DSCAML1: variants seen among roughly 807,000 people sequenced by gnomAD.
DSCAML1 encodes the protein cell adhesion molecule DSCAML1.
DSCAML1 carries 38 observed loss-of-function variants against 200.5 expected under a neutral mutation model. The ratio of observed to expected loss-of-function variants is 0.19; its 90% CI spans 0.15 to 0.25. The LOEUF is 0.25. Among genes scored for constraint, DSCAML1 ranks in the 10% least tolerant of loss-of-function variants. The pLI is 1.00. For missense variants in DSCAML1, 2,223 were observed against 2,858.8 expected (o/e 0.78, Z 5.07); for synonymous variants, 1,215 against 1,165.0 (o/e 1.04, Z -0.87).
chr11:117,721,013 C>A (rs916097283), intron 3 of DSCAML1, among the ~76,000 whole-genome samples: 11 of 152,174 alleles, frequency 7.2e-5, no homozygotes, highest in African/African-American at 2.4e-4. Flanking sequence ...CAACGTTTGT[C>A]CAAGGCAGAT....
At chr11:117,718,093 G>A (rs528578141) in intron 3 of DSCAML1, among the ~76,000 whole-genome samples, 9 of 152,360 alleles carry the variant, frequency 5.9e-5, no homozygotes, top group South Asian at 2.1e-4. Flanking sequence ...ACGGCTGCAC[G>A]TCCGTGGCAG....
chr11:117,762,724 G>A (rs2054824747), intron 3 of DSCAML1, among the ~76,000 whole-genome samples: 1 of 152,070 alleles, frequency 6.6e-6, no homozygotes. Flanking sequence ...TTAGTCAGGT[G>A]TGGTGGCAGG....
intron 3 of DSCAML1, among the ~76,000 whole-genome samples, chr11:117,534,700 C>A (rs916247614): frequency 1.3e-5 from 2 of 152,134 alleles, no homozygotes; most frequent in Admixed American, 6.5e-5. Flanking sequence ...GCCTTGACAT[C>A]CTGGGCTCAA....
intron 1 of DSCAML1, among the ~76,000 whole-genome samples, chr11:117,808,426 C>T (rs188099992): frequency 1.1e-4 from 17 of 152,280 alleles, no homozygotes; most frequent in Admixed American, 2.0e-4. Flanking sequence ...CCCTGGCATG[C>T]GACATGCTAT....
At chr11:117,633,285 T>G (rs2052212267) in intron 3 of DSCAML1, among the ~76,000 whole-genome samples, 1 of 152,204 alleles carries the variant, frequency 6.6e-6, no homozygotes, top group Non-Finnish European at 1.5e-5. Flanking sequence ...CAGGCCTTCC[T>G]GCCTCGCCAC....
At chr11:117,680,303 C>T (rs1048919887) in intron 3 of DSCAML1, among the ~76,000 whole-genome samples, 1 of 152,236 alleles carries the variant, frequency 6.6e-6, no homozygotes, top group Non-Finnish European at 1.5e-5. Flanking sequence ...GCCCCCAAGC[C>T]TGGTGGTCCT....
chr11:117,716,974 G>A (rs536796863), intron 3 of DSCAML1, among the ~76,000 whole-genome samples: 65 of 152,084 alleles, frequency 4.3e-4, no homozygotes, highest in African/African-American at 1.3e-3. Flanking sequence ...GGTTGGTGTT[G>A]CCAGAAATTC....
Position 117,518,348 on chromosome 11 carries a change from C to T in DSCAML1, c.1510+118G>A. 2 of 1,398,722 alleles carry T rather than the reference C, an allele frequency of 1.4e-6. No homozygotes were observed. Among genetic ancestry groups the T allele is most frequent in the African/African-American group, 1.4e-5 (1 of 70,632 alleles). The allele number at this position is 1,398,722 out of a possible 1,614,324, so 86.6% of individuals were successfully genotyped here. A position where few individuals can be genotyped will look rare whatever the true frequency, so the allele number is the denominator to read the frequency against. On this transcript the variant is annotated intron_variant, in intron 7 of 32. Transcript: ENST00000651296. This position sits in a 1 kb window ranked among gnomAD's most constrained non-coding sequence, Gnocchi z 6.3. The stretch of plus-strand genomic sequence containing the variant: ...GGGACGAGAGAGGGGAGAGAGACCT[C>T]TACTAAAATCAAAATGACGATTAAT...
At chr11:117,736,294 C>A (rs550666851) in intron 3 of DSCAML1, among the ~76,000 whole-genome samples, 5 of 152,288 alleles carry the variant, frequency 3.3e-5, no homozygotes, top group Non-Finnish European at 5.9e-5. Flanking sequence ...TCTCTTCTGG[C>A]CGTTGGCTGG....
chr11:117,752,243 A>G (rs1312947324), intron 3 of DSCAML1, among the ~76,000 whole-genome samples: 2 of 152,242 alleles, frequency 1.3e-5, no homozygotes, highest in Non-Finnish European at 2.9e-5. Context: ...GTGGCTCATT[A>G]TTAAAGCCAT....
rs1418416109 is a variant in DSCAML1, at chr11:117,427,886, CGCAT to C, written c.*438_*441del. ...CCTGGTTTTCTTGGAACAGTAAAATCGCATGCAGTGTCTCTGAGTTGGGATTTTG... is the reference window on the plus strand; with the variant it reads ...CCTGGTTTTCTTGGAACAGTAAAATCGCAGTGTCTCTGAGTTGGGATTTTG... On this transcript the variant is annotated 3_prime_UTR_variant, in exon 33 of 33. Transcript: ENST00000651296. The C allele has an allele frequency of 6.5e-6, 1 of 154,380 alleles. No individual in the cohort carries two copies. The highest frequency in any genetic ancestry group is 2.4e-5 in the African/African-American group (1 of 41,436). The allele number at this position is 154,380 out of a possible 1,614,324, so 9.6% of individuals were successfully genotyped here. A position where few individuals can be genotyped will look rare whatever the true frequency, so the allele number is the denominator to read the frequency against.
intron 3 of DSCAML1, among the ~76,000 whole-genome samples, chr11:117,706,556 T>A (rs375558754): frequency 1.3e-5 from 2 of 152,182 alleles, no homozygotes; most frequent in Non-Finnish European, 2.9e-5. Flanking sequence ...CTGGGCCGGA[T>A]TGACTTTTCC....
intron 5 of DSCAML1, among the ~76,000 whole-genome samples, chr11:117,523,124 C>G (rs1181956731): frequency 2.0e-5 from 3 of 152,150 alleles, no homozygotes; most frequent in African/African-American, 7.2e-5. Context: ...GGGAGGCGGG[C>G]AGGTGCATTT....
In DSCAML1 at chr11:117,699,505, G is replaced by A. The variant is rs569900364; in HGVS notation, c.511+77286C>T. Among the ~76,000 whole-genome samples, 10 of 152,336 alleles carry A rather than the reference G, an allele frequency of 6.6e-5. No homozygotes were observed. The South Asian group carries it at 2.1e-3, about 32-fold the overall frequency. On this transcript the variant is annotated intron_variant, in intron 3 of 32. Coordinates refer to ENST00000651296, the MANE Select transcript of DSCAML1 (RefSeq NM_020693.4). ...TGACGCAGGAAAACAGACGGTGGCA[G>A]TCACAGGAGAGTGCTGCACAGACCT...
Position 117,463,803 on chromosome 11 carries a change from G to A in DSCAML1, c.3265+1139C>T, listed in dbSNP as rs4938387. Among the ~76,000 whole-genome samples the A allele has an allele frequency of 0.11, 16,609 of 152,152 alleles. 1,044 individuals are homozygous for A. The highest frequency in any genetic ancestry group is 0.19 in the Admixed American group (2,885 of 15,288). On this transcript the variant is annotated intron_variant, in intron 17 of 32. Transcript: ENST00000651296. The surrounding 1 kb of genome is among the most constrained non-coding windows in gnomAD (Gnocchi z 4.0). ...TCAGTGCTCTGGGGCTATTGAAGTC[G>A]GCCCCATCTTAAAGCCCAGCTTTTG...
chr11:117,447,231 C>G (rs111446534), intron 20 of DSCAML1, among the ~76,000 whole-genome samples: 3 of 152,052 alleles, frequency 2.0e-5, no homozygotes, highest in African/African-American at 7.2e-5. Flanking sequence ...GAGGATACAG[C>G]GAGCTGAGAT....
chr11:117,761,629 G>A (rs569608188), intron 3 of DSCAML1, among the ~76,000 whole-genome samples: 39 of 152,348 alleles, frequency 2.6e-4, no homozygotes, highest in African/African-American at 9.1e-4. Flanking sequence ...TCAGCACTTT[G>A]GAAGGCTGAG....
At chr11:117,513,421 T>TAGTA (rs1851750253) in intron 8 of DSCAML1, among the ~76,000 whole-genome samples, 1 of 152,118 alleles carries the variant, frequency 6.6e-6, no homozygotes, top group African/African-American at 2.4e-5. Flanking sequence ...TGAGGTTTCC[T>TAGTA]AGTAAGTTCT....
rs150601818 is a variant in DSCAML1, at chr11:117,810,420, G to A, written c.-250+6970C>T. 6.5e-3 allele frequency among the ~76,000 whole-genome samples: 979 copies of A among 149,882 alleles called. 3 individuals carry two copies. The highest frequency in any genetic ancestry group is 0.01 in the Middle Eastern group (3 of 294). On this transcript the variant is annotated intron_variant, in intron 1 of 2. Transcript: ENST00000525836. ...TCCCAATCCCTTATTTCCGCACCCC[G>A]ACCTCTTATCTCTGTGCCCCAATCC...
Sources: allele counts gnomAD v4.1 joint callset (sites outside exome capture counted in the v4.1 genomes callset), GRCh38; gene constraint gnomAD v4.1.1; non-coding constraint Gnocchi (gnomAD v3.1); transcripts MANE v1.5; gene names NCBI Gene and HGNC (gene_info 2026-07-23, HGNC 2026-07-21).